The following DEGS2 variants were observed in gnomAD, a reference collection of about 807,000 sequenced individuals.
DEGS2 encodes the protein sphingolipid delta(4)-desaturase/C4-monooxygenase DES2.
Under a neutral mutation model 23.8 loss-of-function variants are expected in DEGS2, and 19 were observed. The observed-to-expected ratio is 0.80, with a 90% CI of 0.56 to 1.17. The LOEUF is 1.17. Among genes scored for constraint, DEGS2 ranks in the 50% most tolerant of loss-of-function variants. The pLI is 0.00. For synonymous variants in DEGS2, 218 were observed against 213.7 expected (o/e 1.02, Z -0.18); for missense variants, 390 against 459.5 (o/e 0.85, Z 1.38).
chr14:100,148,792 G>A (rs530875885), intron 2 of DEGS2, among the ~76,000 whole-genome samples, 176 bp downstream of exon 2: 4 of 152,262 alleles, frequency 2.6e-5, no homozygotes, highest in Non-Finnish European at 4.4e-5. Context: ...CAGAGGACTC[G>A]CCTGTGTTGT....
At chr14:100,165,038 A>G in the DEGS2 span, among the ~76,000 whole-genome samples, 1 of 152,144 alleles carries the variant, frequency 6.6e-6, no homozygotes, top group Non-Finnish European at 1.5e-5. Context: ...TCTGTGTCTG[A>G]TGCTTTTATT....
chr14:100,152,267 G>C (rs889623090), intron 1 of DEGS2, among the ~76,000 whole-genome samples: 8 of 149,898 alleles, frequency 5.3e-5, no homozygotes, highest in African/African-American at 1.3e-4. Flanking sequence ...AGATGCCAGG[G>C]TGGGCGTCAT....
Position 100,144,020 on chromosome 14 carries a change from C to T in DEGS2, c.*2741G>A. 2.1e-6 allele frequency: 1 copy of T among 476,246 alleles called. No individual in the cohort carries two copies. The highest frequency in any genetic ancestry group is 3.7e-6 in the Non-Finnish European group (1 of 268,010). The allele number at this position is 476,246 out of a possible 1,614,324, so 29.5% of individuals were successfully genotyped here. ...CATTTCTTTGGGTTTCTAGAGACGCCCCTAAGTCACCTGCTTCATTAGACG... is the reference window on the plus strand; with the variant it reads ...CATTTCTTTGGGTTTCTAGAGACGCTCCTAAGTCACCTGCTTCATTAGACG... On this transcript the variant is annotated 3_prime_UTR_variant, in exon 3 of 3. Coordinates refer to ENST00000305631, the MANE Select transcript of DEGS2 (RefSeq NM_206918.3).
intron 2 of DEGS2, 138 bp from the exon 3 acceptor site, chr14:100,147,045 CCA>C (rs751292486): frequency 2.3e-4 from 216 of 949,820 alleles, no homozygotes; most frequent in Non-Finnish European, 2.7e-4. Flanking sequence ...GCGCGCACAC[CCA>C]CACACACACA....
rs760097950 is a variant in DEGS2 at position 100,146,799 on chromosome 14, C to T, written c.934G>A (p.Val312Met). 4 of 1,613,688 alleles carry T rather than the reference C, an allele frequency of 2.5e-6. No individual in the cohort carries two copies. Among genetic ancestry groups the T allele is most frequent in the Non-Finnish European group, 3.4e-6 (4 of 1,179,910 alleles). The change falls in exon 3 of 3, where the codon GTG becomes ATG. Residue 312 changes from valine to methionine, a missense_variant. Physicochemically the swap from Val to Met is conservative, Grantham distance 21. Transcript: ENST00000305631. Reference sequence around the variant, plus strand: ...TTTGCCAGCCTGTACACCCGCTTCACCCTGGCATAGGGCCCCAGGGAGTCC... The same window carrying T: ...TTTGCCAGCCTGTACACCCGCTTCATCCTGGCATAGGGCCCCAGGGAGTCC... ...FEDSLGPYARVKRVYRLAKDG... is the reference protein window; with the variant it reads ...FEDSLGPYARMKRVYRLAKDG...
At chr14:100,156,428 G>A (rs1020256083) in intron 1 of DEGS2, among the ~76,000 whole-genome samples, 10 of 152,200 alleles carry the variant, frequency 6.6e-5, no homozygotes, top group Non-Finnish European at 8.8e-5. Context: ...CATTATCATC[G>A]CAGCTGATAC....
chr14:100,163,953 G>A (rs1419119272), upstream of DEGS2, among the ~76,000 whole-genome samples: 4 of 152,080 alleles, frequency 2.6e-5, no homozygotes, highest in Non-Finnish European at 5.9e-5. Flanking sequence ...GCTCATGCCC[G>A]CCCATAATCC....
chr14:100,150,075 G>A (rs73349577), intron 1 of DEGS2, among the ~76,000 whole-genome samples: 3,953 of 152,302 alleles, frequency 0.026, 175 homozygotes, highest in African/African-American at 0.088. Context: ...TCAAGCACAC[G>A]GGGAGCCTCA....
chr14:100,152,296 GTCATGGAGATGCCAGGGTGGGCA>G (rs1889585229), intron 1 of DEGS2, among the ~76,000 whole-genome samples: 4 of 150,446 alleles, frequency 2.7e-5, no homozygotes, highest in South Asian at 4.2e-4. Flanking sequence ...CAGGGTGGGC[GTCATGGAGATGCCAGGGTGGGCA>G]TCATGGAGAA....
In DEGS2 at chr14:100,144,410, G is replaced by A. The variant is rs1412394138; in HGVS notation, c.*2351C>T. On this transcript the variant is annotated 3_prime_UTR_variant, in exon 3 of 3. Transcript: ENST00000305631. ...CCCCGGGAAGGTGGGGTGGTGTCCT[G>A]GGGCTGGGCCTCAGGTCCTGCCTGT... 1 of 152,412 alleles carries A rather than the reference G, an allele frequency of 6.6e-6. No individual in the cohort carries two copies. Among genetic ancestry groups the A allele is most frequent in the Non-Finnish European group, 1.5e-5 (1 of 68,196 alleles). The allele number at this position is 152,412 out of a possible 1,614,324, so 9.4% of individuals were successfully genotyped here.
intron 1 of DEGS2, among the ~76,000 whole-genome samples, chr14:100,155,190 G>A (rs1255417702): frequency 2.6e-5 from 4 of 152,190 alleles, no homozygotes; most frequent in Non-Finnish European, 5.9e-5. Flanking sequence ...ACCTGCTCAG[G>A]GTTGACGATG....
chr14:100,154,235 T>C (rs1023198502), intron 1 of DEGS2, among the ~76,000 whole-genome samples: 5 of 151,958 alleles, frequency 3.3e-5, no homozygotes, highest in African/African-American at 1.2e-4. Flanking sequence ...CAAGGTGGCG[T>C]GCGCCTGTAG....
chr14:100,153,293 A>AGATAGAT (rs1555365196), intron 1 of DEGS2, among the ~76,000 whole-genome samples: 161 of 126,102 alleles, frequency 1.3e-3, no homozygotes, highest in Admixed American at 3.8e-3. Context: ...ATAGATAGAT[A>AGATAGAT]GATAGATAGA....
chr14:100,158,597 G>C (rs1231256738), intron 1 of DEGS2, among the ~76,000 whole-genome samples: 2 of 152,046 alleles, frequency 1.3e-5, no homozygotes, highest in African/African-American at 4.8e-5. Context: ...CATCAAATAA[G>C]TGCAAATTAA....
chr14:100,153,252 C>CAGATAGATAGATAGATAGATAGAT (rs61183768), intron 1 of DEGS2, among the ~76,000 whole-genome samples: 1 of 147,442 alleles, frequency 6.8e-6, no homozygotes, highest in Non-Finnish European at 1.5e-5. Flanking sequence ...ATGGCAAAAA[C>CAGATAGATAGATAGATAGATAGAT]AGATAGATAG....
the DEGS2 span, among the ~76,000 whole-genome samples, chr14:100,165,792 CCTG>C: frequency 0.026 from 3,982 of 150,562 alleles, 79 homozygotes; most frequent in Non-Finnish European, 0.04. Flanking sequence ...CGCAGGCGGC[CCTG>C]CTAAGTGGGG....
intron 1 of DEGS2, among the ~76,000 whole-genome samples, chr14:100,154,667 C>T (rs1416387316): frequency 6.6e-6 from 1 of 152,252 alleles, no homozygotes; most frequent in African/African-American, 2.4e-5. Context: ...CAGCCCAAAG[C>T]CCCCTGCACC....
At chr14:100,154,413 G>T (rs974386809) in intron 1 of DEGS2, among the ~76,000 whole-genome samples, 1 of 151,532 alleles carries the variant, frequency 6.6e-6, no homozygotes, top group African/African-American at 2.4e-5. Context: ...AGACTCCTGT[G>T]TGCCCTTGGG....
chr14:100,163,431 G>A (rs1426780021), upstream of DEGS2, among the ~76,000 whole-genome samples: 3 of 152,092 alleles, frequency 2.0e-5, no homozygotes, highest in Admixed American at 6.6e-5. Flanking sequence ...GACAAGAGCC[G>A]AACTCCATCT....
Sources: allele counts gnomAD v4.1 joint callset (sites outside exome capture counted in the v4.1 genomes callset), GRCh38; gene constraint gnomAD v4.1.1; transcripts MANE v1.5; gene names NCBI Gene and HGNC (gene_info 2026-07-23, HGNC 2026-07-21).